Variants in CD247 observed in about 807,000 individuals in gnomAD.
CD247 encodes the protein CD247 molecule.
In CD247, 13 loss-of-function variants were observed where a neutral mutation model predicts 30.0. The ratio of observed to expected loss-of-function variants is 0.43; its 90% confidence interval spans 0.28 to 0.69. CD247 has a LOEUF of 0.69. Among genes scored for constraint, CD247 ranks in the 30% least tolerant of loss-of-function variants. The probability of loss-of-function intolerance (pLI) is 0.16; values close to 1 mark genes in which losing one functional copy is unlikely to be tolerated. For synonymous variants in CD247, 72 were observed against 80.0 expected, an observed-to-expected ratio of 0.90 and a Z score of 0.53; for missense variants, 193 against 212.6, an observed-to-expected ratio of 0.91 and a Z score of 0.57.
chr1:167,484,112 T>G (rs1212067263), intron 1 of CD247, among the ~76,000 whole-genome samples: 2 of 152,198 alleles, frequency 1.3e-5, no homozygotes, highest in Non-Finnish European at 2.9e-5. Context: ...AAATCGCAGG[T>G]GAGATCACAG....
chr1:167,504,736 G>T (rs1655045869), intron 1 of CD247, among the ~76,000 whole-genome samples: 1 of 152,210 alleles, frequency 6.6e-6, no homozygotes, highest in Non-Finnish European at 1.5e-5. Context: ...TCATTAACGG[G>T]ACGCTAGGGC....
At chr1:167,472,518 T>G (rs1348812262) in intron 1 of CD247, among the ~76,000 whole-genome samples, 1 of 152,202 alleles carries the variant, frequency 6.6e-6, no homozygotes, top group Non-Finnish European at 1.5e-5. Flanking sequence ...TTTAAATGCA[T>G]TACAATTAAG....
intron 1 of CD247, chr1:167,457,755 T>C (rs887151594): frequency 2.6e-5 from 4 of 152,246 alleles, no homozygotes; most frequent in Admixed American, 1.3e-4. Flanking sequence ...TTCGTTGTTT[T>C]TGTTACTCTC....
intron 1 of CD247, among the ~76,000 whole-genome samples, chr1:167,463,364 G>A (rs1348890982): frequency 6.6e-6 from 1 of 152,160 alleles, no homozygotes; most frequent in Non-Finnish European, 1.5e-5. Flanking sequence ...AATTAGCAGT[G>A]CTCATTCCTG....
chr1:167,442,184 G>T (rs1316533711), intron 1 of CD247, among the ~76,000 whole-genome samples: 1 of 152,214 alleles, frequency 6.6e-6, no homozygotes, highest in Non-Finnish European at 1.5e-5. Context: ...TCAGATTTTA[G>T]TCTGACCATA....
intron 1 of CD247, among the ~76,000 whole-genome samples, chr1:167,462,059 G>T: frequency 6.6e-6 from 1 of 152,180 alleles, no homozygotes; most frequent in Non-Finnish European, 1.5e-5. Flanking sequence ...CCCACAGGAG[G>T]AAAGCTGAAT....
At chr1:167,504,231 T>C (rs1655025240) in intron 1 of CD247, among the ~76,000 whole-genome samples, 1 of 152,176 alleles carries the variant, frequency 6.6e-6, no homozygotes, top group African/African-American at 2.4e-5. Flanking sequence ...GTTGACCTAA[T>C]GCATGCAAAC....
chr1:167,451,634 T>C (rs1272889440), intron 1 of CD247, among the ~76,000 whole-genome samples: 2 of 152,208 alleles, frequency 1.3e-5, no homozygotes, highest in Non-Finnish European at 2.9e-5. Flanking sequence ...TAATAATCCC[T>C]AAGCCTCCAT....
At chr1:167,460,650 T>C (rs111373168) in intron 1 of CD247, among the ~76,000 whole-genome samples, 2 of 152,314 alleles carry the variant, frequency 1.3e-5, no homozygotes, top group African/African-American at 4.8e-5. Context: ...GCAGGTTTGT[T>C]ACATAGGTAT....
At chr1:167,466,494 G>A (rs913806626) in intron 1 of CD247, among the ~76,000 whole-genome samples, 1 of 151,636 alleles carries the variant, frequency 6.6e-6, no homozygotes, top group African/African-American at 2.4e-5. Flanking sequence ...GATAATTATT[G>A]CCTTGTCCTG....
At chr1:167,491,595 T>C (rs995136327) in intron 1 of CD247, among the ~76,000 whole-genome samples, 3 of 151,576 alleles carry the variant, frequency 2.0e-5, no homozygotes, top group Non-Finnish European at 4.4e-5. Context: ...AACTATCATA[T>C]GGTCTAGCAA....
chr1:167,490,792 A>G (rs546986912), intron 1 of CD247, among the ~76,000 whole-genome samples: 149 of 152,122 alleles, frequency 9.8e-4, no homozygotes, highest in Non-Finnish European at 1.7e-3. Context: ...GTGGGTGCCT[A>G]TAATTCCAGC....
At position 167,438,084 on chromosome 1, in the gene CD247, C is replaced by T. The variant is rs373727566; in HGVS notation, c.300+486G>A. Among the ~76,000 whole-genome samples the T allele has an allele frequency of 9.2e-5, 14 of 152,006 alleles. No homozygotes were observed. In the South Asian group the frequency reaches 2.5e-3, roughly 27 times the overall value. ...AATGAAGGGGAAAAAACAAAGAGGA[C>T]CCTACCCTACTGTGGTGTCATCCAG... On this transcript the variant is annotated intron_variant, in intron 4 of 7. Coordinates refer to ENST00000362089, the MANE Select transcript of CD247 (RefSeq NM_198053.3).
chr1:167,457,037 G>A (rs1211750719), intron 1 of CD247, among the ~76,000 whole-genome samples: 1 of 152,194 alleles, frequency 6.6e-6, no homozygotes, highest in Non-Finnish European at 1.5e-5. Context: ...CGTTTTCTGA[G>A]GACCGGCTTG....
At chr1:167,443,756 T>A (rs951938286) in intron 1 of CD247, among the ~76,000 whole-genome samples, 1 of 152,188 alleles carries the variant, frequency 6.6e-6, no homozygotes, top group Non-Finnish European at 1.5e-5. Flanking sequence ...CCTTTCTTTC[T>A]GCATAGTTTT....
chr1:167,461,797 G>A (rs994192289), intron 1 of CD247, among the ~76,000 whole-genome samples: 11 of 151,920 alleles, frequency 7.2e-5, no homozygotes, highest in African/African-American at 1.9e-4. Context: ...GCAGTGAGCC[G>A]AGATCACGCC....
chr1:167,470,944 T>A (rs1653494881), intron 1 of CD247, among the ~76,000 whole-genome samples: 1 of 150,826 alleles, frequency 6.6e-6, no homozygotes, highest in Admixed American at 6.6e-5. Context: ...CAATCTCGGC[T>A]CACTGCAACC....
chr1:167,473,206 C>T (rs966563453), intron 1 of CD247, among the ~76,000 whole-genome samples: 14 of 152,180 alleles, frequency 9.2e-5, no homozygotes, highest in African/African-American at 3.4e-4. Flanking sequence ...CTCCCTCTTA[C>T]ACCCTCTGGG....
Position 167,431,685 on chromosome 1 carries a change from C to T in CD247, c.491G>A (p.Arg164His), listed in dbSNP as rs201937405. 5.1e-5 allele frequency: 82 copies of T among 1,613,832 alleles called. No individual in the cohort carries two copies. The Admixed American group carries it at 9.2e-4, about 18-fold the overall frequency. Residue 164 changes from arginine (R) to histidine (H), a missense_variant, in exon 8 of 8, where the codon CGC becomes CAC. By Grantham distance (29) the Arg-to-His change is conservative. Coordinates refer to ENST00000362089, the MANE Select transcript of CD247 (RefSeq NM_198053.3). ...AGTGGTGAAATCCCCTGGCTGTTAG[C>T]GAGGGGGCAGGGCCTGCATGTGAAG... Reference protein sequence around the residue: ...DALHMQALPPR With the variant: ...DALHMQALPPH
Sources: allele counts gnomAD v4.1 joint callset (sites outside exome capture counted in the v4.1 genomes callset), GRCh38; gene constraint gnomAD v4.1.1; transcripts MANE v1.5; gene names NCBI Gene and HGNC (gene_info 2026-07-23, HGNC 2026-07-21).